MAP4: variants seen among roughly 807,000 people sequenced by gnomAD.
The protein encoded by MAP4 is microtubule-associated protein 4.
MAP4 carries 76 observed loss-of-function variants against 170.2 expected under a neutral mutation model. The ratio of observed to expected loss-of-function variants is 0.45; its 90% CI spans 0.37 to 0.54. The LOEUF (loss-of-function observed/expected upper bound fraction) is 0.54, where lower values mean the gene tolerates loss of function less well. Among genes scored for constraint, MAP4 ranks in the 20% least tolerant of loss-of-function variants. MAP4 has a pLI of 0.00. For missense variants in MAP4, 2,506 were observed against 2,748.0 expected, an observed-to-expected ratio of 0.91 and a Z score of 1.97; for synonymous variants, 909 against 994.5, an observed-to-expected ratio of 0.91 and a Z score of 1.62.
chr3:47,936,111 A>T (rs769087189), intron 3 of MAP4, among the ~76,000 whole-genome samples: 1 of 151,436 alleles, frequency 6.6e-6, no homozygotes, highest in African/African-American at 2.4e-5. Context: ...GAGAAAGAGG[A>T]GGGTGGGAGA....
At chr3:48,012,652 C>T (rs1025019837) in intron 1 of MAP4, among the ~76,000 whole-genome samples, 1 of 152,000 alleles carries the variant, frequency 6.6e-6, no homozygotes, top group Admixed American at 6.6e-5. Flanking sequence ...ACCCTCAGCA[C>T]CCCCACCCCG....
intron 6 of MAP4, among the ~76,000 whole-genome samples, chr3:47,917,637 G>A (rs2100040491): frequency 6.6e-6 from 1 of 151,326 alleles, no homozygotes; most frequent in African/African-American, 2.4e-5. Flanking sequence ...AACATATTCT[G>A]CCTACTCTTT....
chr3:47,870,855 A>C lies in MAP4; in HGVS notation c.6252T>G (p.Val2084=). Residue 2084 remains valine (V), a synonymous_variant, in exon 15 of 21, where the codon GTT becomes GTG. Transcript: ENST00000683076. The part of the protein sequence containing the change: ...APDLKNVRSK[V]GSTENIKHQP... Reference sequence around the variant, plus strand: ...GATGCTTGATGTTTTCCGTGGAGCCAACCTTGGAGCGGACATTCTTCAGAT... The same window carrying C: ...GATGCTTGATGTTTTCCGTGGAGCCCACCTTGGAGCGGACATTCTTCAGAT... 6.3e-7 allele frequency: 1 copy of C among 1,597,794 alleles called. No homozygotes were observed. Among genetic ancestry groups the C allele is most frequent in the Non-Finnish European group, 8.5e-7 (1 of 1,170,034 alleles).
intron 1 of MAP4, among the ~76,000 whole-genome samples, chr3:48,045,465 C>A (rs983955630): frequency 1.3e-5 from 2 of 151,936 alleles, no homozygotes; most frequent in Non-Finnish European, 1.5e-5. Flanking sequence ...ACTGTGCATG[C>A]GAGGGCTCTA....
chr3:47,955,435 T>TACAC (rs3079351), intron 3 of MAP4, among the ~76,000 whole-genome samples: 2,732 of 135,448 alleles, frequency 0.02, 64 homozygotes, highest in African/African-American at 0.053. Flanking sequence ...AATAAGCACG[T>TACAC]ACACACACAC....
chr3:47,999,266 G>T (rs1315788643), intron 1 of MAP4, among the ~76,000 whole-genome samples: 1 of 152,136 alleles, frequency 6.6e-6, no homozygotes, highest in African/African-American at 2.4e-5. Context: ...TCGGACAAAT[G>T]AAATCAACTT....
intron 18 of MAP4, among the ~76,000 whole-genome samples, chr3:47,857,163 G>T (rs186927261): frequency 5.0e-4 from 76 of 152,320 alleles, no homozygotes; most frequent in Admixed American, 3.6e-3. Flanking sequence ...ACTTCCCCAG[G>T]CCTAGCTCAA....
chr3:48,019,575 T>G (rs747259976), upstream of MAP4, among the ~76,000 whole-genome samples: 1 of 151,850 alleles, frequency 6.6e-6, no homozygotes, highest in Non-Finnish European at 1.5e-5. Flanking sequence ...TTTTGAGAAC[T>G]ATTTTATTAA....
upstream of MAP4, among the ~76,000 whole-genome samples, chr3:48,020,810 A>G (rs1321209257): frequency 2.0e-5 from 3 of 152,058 alleles, no homozygotes; most frequent in East Asian, 5.8e-4. Flanking sequence ...TTTTTTAGAG[A>G]CAAGTCACAC....
At chr3:47,965,400 C>T (rs1389143917) in intron 3 of MAP4, among the ~76,000 whole-genome samples, 1 of 152,168 alleles carries the variant, frequency 6.6e-6, no homozygotes, top group African/African-American at 2.4e-5. Flanking sequence ...GATTCCAATT[C>T]CTTTGGGCAT....
rs776300075 is a variant in MAP4, at chr3:47,852,785, C to A, written c.*149G>T. ...CTGCCCAGCACGGCGCCCAAGCGCT[C>A]ACTGGTCTAGTGGACAGCCCGGGAA... On this transcript the variant is annotated 3_prime_UTR_variant, in exon 21 of 21. Coordinates refer to ENST00000683076, the MANE Select transcript of MAP4 (RefSeq NM_001385682.1). 1.9e-6 allele frequency: 3 copies of A among 1,547,946 alleles called. No individual in the cohort carries two copies. In the East Asian group the frequency reaches 7.3e-5, roughly 38 times the overall value.
chr3:47,956,105 A>G (rs2100067644), intron 3 of MAP4, among the ~76,000 whole-genome samples: 1 of 152,182 alleles, frequency 6.6e-6, no homozygotes, highest in African/African-American at 2.4e-5. Flanking sequence ...ATCAGGAACT[A>G]GATGTTATCC....
chr3:47,912,386 C>T lies in MAP4; in HGVS notation c.2035G>A (p.Ala679Thr), dbSNP rs12485672. The T allele has an allele frequency of 6.3e-5, 96 of 1,525,918 alleles. 1 individual carries two copies. The Admixed American group carries it at 1.9e-3, about 31-fold the overall frequency. 94.5% of individuals were successfully genotyped at this position (1,525,918 alleles called of 1,614,324 possible). Residue 679 changes from alanine (A) to threonine (T), a missense_variant, in exon 9 of 21, where the codon GCC becomes ACC. This residue lies in a region of MAP4 where 2,008 missense variants were observed against 2,206.0 expected (regional missense o/e 0.91). Transcript: ENST00000683076. ...TCACTGGGTCTGCAAACTTGTTTGG[C>T]TTGTGTGGGAGGGGTACCGCAATAC... is the stretch of plus-strand genomic sequence containing the variant. ...FMYCGTPPTQAKQVCRPSDRR... is the reference protein window; with the variant it reads ...FMYCGTPPTQTKQVCRPSDRR...
chr3:48,030,320 A>T (rs1009496302), intron 1 of MAP4, among the ~76,000 whole-genome samples: 1 of 151,946 alleles, frequency 6.6e-6, no homozygotes, highest in Non-Finnish European at 1.5e-5. Context: ...CCAGTAAAGC[A>T]ACAGCATACC....
At chr3:47,983,342 G>A (rs979146055) in intron 2 of MAP4, among the ~76,000 whole-genome samples, 3 of 152,002 alleles carry the variant, frequency 2.0e-5, no homozygotes, top group Non-Finnish European at 4.4e-5. Flanking sequence ...CCAAGTATAT[G>A]GTGACAACAG....
chr3:47,935,140 A>G (rs1472096023), intron 3 of MAP4, among the ~76,000 whole-genome samples: 1 of 152,240 alleles, frequency 6.6e-6, no homozygotes, highest in Admixed American at 6.5e-5. Flanking sequence ...TTTATGTAGG[A>G]CAAGTGTCTA....
At chr3:48,025,282 T>C (rs1051664945) in intron 1 of MAP4, among the ~76,000 whole-genome samples, 2 of 151,614 alleles carry the variant, frequency 1.3e-5, no homozygotes, top group East Asian at 3.9e-4. Context: ...TAGGTATACA[T>C]ACCTACACAC....
intron 1 of MAP4, among the ~76,000 whole-genome samples, chr3:48,068,896 T>C (rs2100139688): frequency 6.6e-6 from 1 of 152,232 alleles, no homozygotes; most frequent in African/African-American, 2.4e-5. Context: ...GTGTGTATCA[T>C]GACACTTTTA....
intron 17 of MAP4, among the ~76,000 whole-genome samples, chr3:47,861,583 C>A (rs538527605): frequency 2.6e-4 from 40 of 151,310 alleles, no homozygotes; most frequent in African/African-American, 7.0e-4. Context: ...GAACTCCTGA[C>A]CTTGTGACCC....
Sources: allele counts gnomAD v4.1 joint callset (sites outside exome capture counted in the v4.1 genomes callset), GRCh38; gene constraint gnomAD v4.1.1; regional missense constraint gnomAD v4.1.1; transcripts MANE v1.5; gene names NCBI Gene and HGNC (gene_info 2026-07-23, HGNC 2026-07-21).